SLCO6A1: variants seen among roughly 807,000 people sequenced by gnomAD.
The protein encoded by SLCO6A1 is cancer/testis antigen 48.
In SLCO6A1, 65 loss-of-function variants were observed where a neutral mutation model predicts 72.7. The observed-to-expected ratio is 0.89, with a 90% confidence interval of 0.73 to 1.10. The LOEUF (loss-of-function observed/expected upper bound fraction) is 1.10, where lower values mean the gene tolerates loss of function less well. Ranked by LOEUF, SLCO6A1 falls within the 50% of genes least tolerant of loss-of-function variation. The probability of loss-of-function intolerance (pLI) is 0.00; values close to 1 mark genes in which losing one functional copy is unlikely to be tolerated. For synonymous variants in SLCO6A1, 314 were observed against 298.2 expected (o/e 1.05, Z -0.55); for missense variants, 874 against 872.6 (o/e 1.00, Z -0.02).
At chr5:102,398,932 T>C (rs1235564969) in intron 10 of SLCO6A1, among the ~76,000 whole-genome samples, 1 of 152,100 alleles carries the variant, frequency 6.6e-6, no homozygotes, top group Non-Finnish European at 1.5e-5. Context: ...CCTCTCTTTG[T>C]TTCCTGGTCA....
chr5:102,489,310 G>A (rs745738402), intron 1 of SLCO6A1, among the ~76,000 whole-genome samples: 23 of 152,004 alleles, frequency 1.5e-4, no homozygotes, highest in Non-Finnish European at 3.2e-4. Context: ...TACCCTCAGT[G>A]GAAAACTCTA....
chr5:102,443,300 A>G (rs905827303), intron 6 of SLCO6A1, among the ~76,000 whole-genome samples: 1 of 152,226 alleles, frequency 6.6e-6, no homozygotes, highest in Non-Finnish European at 1.5e-5. Context: ...TTGTGTATTC[A>G]TCTAGGTCTA....
At position 102,498,673 on chromosome 5, in the gene SLCO6A1, A is replaced by G; in HGVS notation, c.172T>C (p.Leu58=). 6.2e-7 allele frequency: 1 copy of G among 1,614,226 alleles called. No individual in the cohort carries two copies. ...HRYLRLLPEA[L]IRFGGFRKRK... is the part of the protein sequence containing the mutation. ...TTTCGGAAACCGCCGAACCTTATCA[A>G]GGCCTCTGGAAGTAGTCTCAGATAC... The change falls in exon 1 of 14, where the codon TTG becomes CTG. Residue 58 remains leucine (L), a synonymous_variant. Coordinates refer to ENST00000506729, the MANE Select transcript of SLCO6A1 (RefSeq NM_173488.5).
intron 1 of SLCO6A1, among the ~76,000 whole-genome samples, chr5:102,490,220 C>A (rs993478882): frequency 6.6e-6 from 1 of 152,044 alleles, no homozygotes; most frequent in Non-Finnish European, 1.5e-5. Context: ...GTACTGTATA[C>A]TTCAAAATAG....
chr5:102,481,891 C>T (rs1174499613), intron 1 of SLCO6A1, among the ~76,000 whole-genome samples: 1 of 152,070 alleles, frequency 6.6e-6, no homozygotes, highest in Non-Finnish European at 1.5e-5. Context: ...AATAGTTAAG[C>T]AAATATGTCA....
intron 6 of SLCO6A1, among the ~76,000 whole-genome samples, chr5:102,446,618 G>A (rs1750122784): frequency 6.6e-6 from 1 of 152,162 alleles, no homozygotes; most frequent in African/African-American, 2.4e-5. Context: ...GTGAGAGAGG[G>A]CATCCTTGTC....
chr5:102,409,786 A>G (rs755799209), intron 9 of SLCO6A1, among the ~76,000 whole-genome samples: 108 of 152,312 alleles, frequency 7.1e-4, no homozygotes, highest in Middle Eastern at 3.4e-3. Context: ...AAAGAAAACT[A>G]TGAAGAGTTT....
intron 1 of SLCO6A1, among the ~76,000 whole-genome samples, chr5:102,487,677 G>A (rs150449038): frequency 1.5e-4 from 23 of 152,222 alleles, no homozygotes; most frequent in African/African-American, 2.9e-4. Context: ...AGAACCAGCC[G>A]CATCAAATAC....
intron 1 of SLCO6A1, 70 bp downstream of exon 1, chr5:102,498,417 T>A (rs1753006550): frequency 6.9e-7 from 1 of 1,456,818 alleles, no homozygotes; most frequent in Non-Finnish European, 9.3e-7. Context: ...TCCGCCATAC[T>A]CCCTCTCCCG....
chr5:102,448,265 TTTG>T (rs1461910021), intron 6 of SLCO6A1, among the ~76,000 whole-genome samples: 1 of 152,184 alleles, frequency 6.6e-6, no homozygotes, highest in Non-Finnish European at 1.5e-5. Flanking sequence ...TTTATTTGAA[TTTG>T]TTAAGAATTG....
intron 4 of SLCO6A1, among the ~76,000 whole-genome samples, chr5:102,460,950 A>G (rs1459091042): frequency 2.5e-5 from 1 of 39,590 alleles, no homozygotes; most frequent in East Asian, 5.7e-4. Flanking sequence ...ATATATATAT[A>G]TATATCTGCA....
chr5:102,407,559 T>C (rs11745781), intron 9 of SLCO6A1, among the ~76,000 whole-genome samples: 28,511 of 152,170 alleles, frequency 0.19, 3,534 homozygotes, highest in Non-Finnish European at 0.24. Flanking sequence ...CTCAATTATA[T>C]TCTATGGCAT....
chr5:102,384,068 C>T (rs1194537362), intron 12 of SLCO6A1, among the ~76,000 whole-genome samples: 1 of 151,728 alleles, frequency 6.6e-6, no homozygotes, highest in Non-Finnish European at 1.5e-5. Context: ...TGAGTCTTCT[C>T]TCTGTTTTTC....
At chr5:102,430,778 G>C (rs1327926368) in intron 7 of SLCO6A1, among the ~76,000 whole-genome samples, 1 of 152,056 alleles carries the variant, frequency 6.6e-6, no homozygotes, top group Non-Finnish European at 1.5e-5. Context: ...GTCTCTTCCA[G>C]GTTTTGGTAT....
rs772112459 is a variant in SLCO6A1 at position 102,388,740 on chromosome 5, T to C, written c.1965A>G (p.Gly655=). 4 of 1,606,506 alleles carry C rather than the reference T, an allele frequency of 2.5e-6. No individual in the cohort carries two copies. The African/African-American group carries it at 4.0e-5, about 16-fold the overall frequency. The change falls in exon 12 of 14, where the codon GGA becomes GGG. Residue 655 remains glycine (G), a synonymous_variant. Coordinates refer to ENST00000506729, the MANE Select transcript of SLCO6A1 (RefSeq NM_173488.5). The stretch of plus-strand genomic sequence containing the variant: ...TTGTCTTGTTATATATCCAACAACG[T>C]CCTGTGTGTCCACATTTATTAACAT... ...LRDVNKCGHT[G]RCWIYNKTKM... is the part of the protein sequence containing the mutation.
In SLCO6A1 at chr5:102,498,888, C is replaced by G. The variant is rs763853612; in HGVS notation, c.-44G>C. ...CCTGGCGACGCGGCCCGAGTGCTCT[C>G]GGCTGCCCGTCCTGCCTGGGCCAAC... On this transcript the variant is annotated 5_prime_UTR_variant, in exon 1 of 14. Transcript: ENST00000506729. 6 of 1,545,538 alleles carry G rather than the reference C, an allele frequency of 3.9e-6. No homozygotes were observed. In the South Asian group the frequency reaches 5.9e-5, roughly 15 times the overall value.
chr5:102,395,102 CAT>C (rs962179205), intron 10 of SLCO6A1, among the ~76,000 whole-genome samples: 253 of 151,630 alleles, frequency 1.7e-3, no homozygotes, highest in African/African-American at 5.7e-3. Flanking sequence ...AGGTTAGTTA[CAT>C]ATATATATAT....
chr5:102,414,743 A>G (rs910894079), intron 8 of SLCO6A1, among the ~76,000 whole-genome samples: 12 of 151,898 alleles, frequency 7.9e-5, no homozygotes, highest in African/African-American at 2.7e-4. Context: ...AAAATGCAAA[A>G]AAATAGCCAG....
intron 6 of SLCO6A1, among the ~76,000 whole-genome samples, chr5:102,439,176 A>G (rs1749707671): frequency 6.6e-6 from 1 of 152,042 alleles, no homozygotes; most frequent in African/African-American, 2.4e-5. Context: ...ACAAACAAAG[A>G]AAATTTAAGC....
Sources: allele counts gnomAD v4.1 joint callset (sites outside exome capture counted in the v4.1 genomes callset), GRCh38; gene constraint gnomAD v4.1.1; transcripts MANE v1.5; gene names NCBI Gene and HGNC (gene_info 2026-07-23, HGNC 2026-07-21).